Variants in BCL7A observed in about 807,000 individuals in gnomAD.
BCL7A encodes BAF chromatin remodeling complex subunit BCL7A, also known as B-cell CLL/lymphoma 7 protein family member A.
BCL7A carries 11 observed loss-of-function variants against 28.4 expected under a neutral mutation model. The ratio of observed to expected loss-of-function variants is 0.39; its 90% CI spans 0.24 to 0.64. The LOEUF is 0.64. Among genes scored for constraint, BCL7A ranks in the 30% least tolerant of loss-of-function variants. The pLI, the probability that BCL7A is intolerant of heterozygous loss-of-function variation, is 0.50. For missense variants in BCL7A, 222 were observed against 274.8 expected (o/e 0.81, Z 1.36); for synonymous variants, 123 against 103.3 (o/e 1.19, Z -1.15).
chr12:122,055,513 A>T (rs1951871808), intron 5 of BCL7A, among the ~76,000 whole-genome samples: 1 of 152,196 alleles, frequency 6.6e-6, no homozygotes, highest in African/African-American at 2.4e-5. Context: ...GGCCACCGTG[A>T]GGATTCGATG....
At chr12:122,039,891 G>T (rs927863090) in intron 3 of BCL7A, among the ~76,000 whole-genome samples, 2 of 151,916 alleles carry the variant, frequency 1.3e-5, no homozygotes, top group South Asian at 4.2e-4. Context: ...ATAGAGACAG[G>T]GTCTTGCTAT....
intron 1 of BCL7A, among the ~76,000 whole-genome samples, chr12:122,025,799 T>C (rs2135838170): frequency 6.7e-6 from 1 of 150,196 alleles, no homozygotes; most frequent in African/African-American, 2.4e-5. Flanking sequence ...TACAAAAAAT[T>C]AGCTGGATGT....
intron 3 of BCL7A, among the ~76,000 whole-genome samples, chr12:122,038,780 C>T (rs1342732309): frequency 6.6e-6 from 1 of 152,142 alleles, no homozygotes; most frequent in East Asian, 1.9e-4. Context: ...TTTGTTTAAC[C>T]TCTAGCTTTG....
intron 1 of BCL7A, among the ~76,000 whole-genome samples, chr12:122,025,108 T>C (rs1883587777): frequency 6.6e-6 from 1 of 152,110 alleles, no homozygotes; most frequent in East Asian, 1.9e-4. Flanking sequence ...ATGGTGGGCC[T>C]CTTTTTGGGA....
rs557276246 is a variant in BCL7A, at chr12:122,045,198, C to T, written c.439+1145C>T. Among the ~76,000 whole-genome samples, 594 of 151,890 alleles carry T rather than the reference C, an allele frequency of 3.9e-3. 8 individuals carry two copies. Among genetic ancestry groups the T allele is most frequent in the Non-Finnish European group, 4.8e-3 (324 of 67,862 alleles). ...GAGTTCAAGACCAGCCTGGCCAACA[C>T]GGTGAAACCCTGTCTCTACTAAAAA... On this transcript the variant is annotated intron_variant, in intron 4 of 5. Coordinates refer to ENST00000261822, the MANE Select transcript of BCL7A (RefSeq NM_001024808.3).
At chr12:122,055,478 A>T (rs7137049) in intron 5 of BCL7A, among the ~76,000 whole-genome samples, 1 of 151,958 alleles carries the variant, frequency 6.6e-6, no homozygotes, top group Non-Finnish European at 1.5e-5. Context: ...CCAGCTCCCA[A>T]AATGGGATCA....
intron 1 of BCL7A, among the ~76,000 whole-genome samples, chr12:122,025,063 T>G (rs1397469886): frequency 6.7e-6 from 1 of 150,368 alleles, no homozygotes; most frequent in Admixed American, 6.7e-5. Flanking sequence ...CCAGTGGAGG[T>G]GAGGTGACCA....
chr12:122,023,715 C>T (rs1238608708), intron 1 of BCL7A, among the ~76,000 whole-genome samples: 1 of 152,104 alleles, frequency 6.6e-6, no homozygotes, highest in South Asian at 2.1e-4. Flanking sequence ...GCCCGGTGCC[C>T]GACTGGAGCC....
chr12:122,054,985 C>T lies in BCL7A; in HGVS notation c.561+59C>T, dbSNP rs767784265. On this transcript the variant is annotated intron_variant, in intron 5 of 5. Coordinates refer to ENST00000261822, the MANE Select transcript of BCL7A (RefSeq NM_001024808.3). ...ATCGGCCGGGAGCCCATTGGGTTGTCGGGGGTACGTTGAAAGGTGTTTCGT... is the reference window on the plus strand; with the variant it reads ...ATCGGCCGGGAGCCCATTGGGTTGTTGGGGGTACGTTGAAAGGTGTTTCGT... The T allele has an allele frequency of 1.2e-5, 20 of 1,613,294 alleles. 1 individual carries two copies. In the Middle Eastern group the frequency reaches 8.2e-4, roughly 66 times the overall value.
At chr12:122,025,233 C>T (rs1417799372) in intron 1 of BCL7A, among the ~76,000 whole-genome samples, 1 of 151,962 alleles carries the variant, frequency 6.6e-6, no homozygotes, top group East Asian at 1.9e-4. Context: ...TGCGGTGGCT[C>T]ACGCCTGTAA....
chr12:122,051,076 C>T (rs1884182808), intron 4 of BCL7A, among the ~76,000 whole-genome samples: 4 of 152,212 alleles, frequency 2.6e-5, no homozygotes, highest in Non-Finnish European at 5.9e-5. Flanking sequence ...CTCCTTTGCT[C>T]TAGAAGCCCG....
intron 2 of BCL7A, among the ~76,000 whole-genome samples, chr12:122,031,319 C>T (rs767756201): frequency 1.3e-5 from 2 of 152,008 alleles, no homozygotes; most frequent in African/African-American, 2.4e-5. Context: ...TGAACCAGTG[C>T]GCCCGGCCTG....
intron 5 of BCL7A, among the ~76,000 whole-genome samples, chr12:122,058,130 G>A (rs934141095): frequency 3.3e-5 from 5 of 152,068 alleles, no homozygotes; most frequent in Non-Finnish European, 1.5e-5. Flanking sequence ...CCAGGAAGTC[G>A]AGGCTGCAGT....
intron 3 of BCL7A, 119 bp from the exon 4 acceptor site, chr12:122,043,767 C>G (rs1884008734): frequency 9.0e-7 from 1 of 1,105,074 alleles, no homozygotes; most frequent in Non-Finnish European, 1.2e-6. Context: ...CAGACCCCTC[C>G]CCGGGAGAGC....
intron 3 of BCL7A, 34 bp downstream of exon 3, chr12:122,035,461 C>T (rs537354691): frequency 3.2e-6 from 5 of 1,576,766 alleles, no homozygotes; most frequent in East Asian, 2.2e-5. Flanking sequence ...CTCTCCTGCC[C>T]AGCCCGGGGC....
At chr12:122,036,476 T>C (rs1883857741) in intron 3 of BCL7A, among the ~76,000 whole-genome samples, 1 of 152,228 alleles carries the variant, frequency 6.6e-6, no homozygotes. Flanking sequence ...TGGTGCTGTC[T>C]GCCATTGTTT....
In BCL7A at chr12:122,059,149, T is replaced by C. The variant is rs774999468; in HGVS notation, c.619T>C (p.Ser207Pro). Residue 207 changes from serine (S) to proline (P), a missense_variant, in exon 6 of 6, where the codon TCC becomes CCC. Physicochemically the swap from Ser to Pro is moderately conservative, Grantham distance 74. This residue lies in a region of BCL7A where 155 missense variants were observed against 145.7 expected (regional missense o/e 1.06). Coordinates refer to ENST00000261822, the MANE Select transcript of BCL7A (RefSeq NM_001024808.3). This position sits in a 1 kb window ranked among gnomAD's most constrained non-coding sequence, Gnocchi z 4.0. ...KMKLEASQQNSEEM is the reference protein window; with the variant it reads ...KMKLEASQQNPEEM ...GAAACTGGAGGCCTCTCAACAAAAC[T>C]CCGAAGAGATGTAGACGATGCTTTA... 1 of 1,611,646 alleles carries C rather than the reference T, an allele frequency of 6.2e-7. No homozygotes were observed. The highest frequency in any genetic ancestry group is 2.2e-5 in the East Asian group (1 of 44,858).
In BCL7A at chr12:122,029,574, C is replaced by T. The variant is rs1324363626; in HGVS notation, c.93-1126C>T. 6.6e-6 allele frequency among the ~76,000 whole-genome samples: 1 copy of T among 152,202 alleles called. No individual in the cohort carries two copies. The highest frequency in any genetic ancestry group is 2.4e-5 in the African/African-American group (1 of 41,452). On this transcript the variant is annotated intron_variant, in intron 1 of 5. Coordinates refer to ENST00000261822, the MANE Select transcript of BCL7A (RefSeq NM_001024808.3). This position sits in a 1 kb window ranked among gnomAD's most constrained non-coding sequence, Gnocchi z 4.3. Reference sequence around the variant, plus strand: ...GCTGAGGACTCGGGCAGCTACGTCGCCTGTACCAGGGGTGCGCCTGCCCCA... The same window carrying T: ...GCTGAGGACTCGGGCAGCTACGTCGTCTGTACCAGGGGTGCGCCTGCCCCA...
In BCL7A at chr12:122,059,157, G is replaced by C; in HGVS notation, c.627G>C (p.Glu209Asp). Reference protein sequence around the residue: ...KLEASQQNSEEM With the variant: ...KLEASQQNSEDM ...AGGCCTCTCAACAAAACTCCGAAGA[G>C]ATGTAGACGATGCTTTAAAGCCTCC... The change falls in exon 6 of 6, where the codon GAG becomes GAC. Residue 209 changes from glutamate (E) to aspartate (D), a missense_variant. Transcript: ENST00000261822. The surrounding 1 kb of genome is among the most constrained non-coding windows in gnomAD (Gnocchi z 4.0). 6.2e-7 allele frequency: 1 copy of C among 1,610,572 alleles called. No homozygotes were observed. Among genetic ancestry groups the C allele is most frequent in the Non-Finnish European group, 8.5e-7 (1 of 1,176,744 alleles).
Sources: gnomAD v4.1 joint callset for allele counts (sites outside exome capture counted in the v4.1 genomes callset) on GRCh38, gnomAD v4.1.1 for gene constraint, gnomAD v4.1.1 regional missense constraint, Gnocchi (gnomAD v3.1) non-coding constraint, MANE v1.5 for transcripts, NCBI Gene and HGNC (gene_info 2026-07-23, HGNC 2026-07-21) for gene names.